KALRN: variants seen among roughly 807,000 people sequenced by gnomAD.
KALRN encodes kalirin RhoGEF kinase, also known as kalirin.
In KALRN, 70 loss-of-function variants were observed where a neutral mutation model predicts 353.7. That is an observed-to-expected ratio of 0.20 (90% CI 0.16 to 0.24). KALRN has a LOEUF of 0.24. Ranked by LOEUF, KALRN falls within the 10% of genes least tolerant of loss-of-function variation. The pLI, the probability that KALRN is intolerant of heterozygous loss-of-function variation, is 1.00. For missense variants in KALRN, 2,791 were observed against 3,756.7 expected (o/e 0.74, Z 6.72); for synonymous variants, 1,391 against 1,434.8 (o/e 0.97, Z 0.69).
chr3:124,497,569 G>A (rs953364491), intron 33 of KALRN, among the ~76,000 whole-genome samples: 3 of 152,144 alleles, frequency 2.0e-5, no homozygotes, highest in African/African-American at 7.2e-5. Flanking sequence ...GTCATTCAAG[G>A]TAATTCTGAC....
intron 1 of KALRN, among the ~76,000 whole-genome samples, chr3:124,034,418 C>T (rs1418530151): frequency 6.6e-6 from 1 of 152,092 alleles, no homozygotes; most frequent in Admixed American, 6.5e-5. Flanking sequence ...GCGCCTCGGA[C>T]CTCCCCCTTG....
intron 1 of KALRN, among the ~76,000 whole-genome samples, chr3:124,084,824 C>T (rs1316967797): frequency 1.3e-5 from 2 of 152,178 alleles, no homozygotes; most frequent in Admixed American, 6.5e-5. Context: ...ATAAGGAACT[C>T]CATTAGACAT....
chr3:124,085,699 T>G (rs1315494315), intron 1 of KALRN, among the ~76,000 whole-genome samples: 1 of 152,226 alleles, frequency 6.6e-6, no homozygotes. Context: ...ACTACTTTAG[T>G]AGCAGCTTCA....
At chr3:124,256,953 C>T (rs2072097539) in intron 3 of KALRN, among the ~76,000 whole-genome samples, 1 of 152,186 alleles carries the variant, frequency 6.6e-6, no homozygotes. Context: ...TAGGGAAATC[C>T]TCATTAGGCC....
Position 124,334,184 on chromosome 3 carries a change from C to T in KALRN, c.1417-81C>T. 3 of 1,227,830 alleles carry T rather than the reference C, an allele frequency of 2.4e-6. No homozygotes were observed. The highest frequency in any genetic ancestry group is 3.6e-6 in the Non-Finnish European group (3 of 839,484). The allele number at this position is 1,227,830 out of a possible 1,614,324, so 76.1% of individuals were successfully genotyped here. On this transcript the variant is annotated intron_variant, in intron 8 of 59. Coordinates refer to ENST00000682506, the MANE Select transcript of KALRN (RefSeq NM_001388419.1). The surrounding 1 kb of genome is among the most constrained non-coding windows in gnomAD (Gnocchi z 4.2). ...TTCTCAGAAGGCCTAGTCAGGGACC[C>T]TCAGGCAGACACTTCCTGCTTCTCT...
At chr3:124,247,003 G>A (rs2070378071) in intron 3 of KALRN, among the ~76,000 whole-genome samples, 1 of 152,118 alleles carries the variant, frequency 6.6e-6, no homozygotes, top group Non-Finnish European at 1.5e-5. Flanking sequence ...TTTTCACTGT[G>A]TTTTCTATTT....
chr3:124,343,752 A>C (rs72978413), intron 9 of KALRN, among the ~76,000 whole-genome samples: 1 of 152,192 alleles, frequency 6.6e-6, no homozygotes, highest in African/African-American at 2.4e-5. Context: ...GGCTGTTGAC[A>C]CTTTTCACCT....
At chr3:124,160,349 T>C (rs2069720048) in intron 1 of KALRN, among the ~76,000 whole-genome samples, 1 of 151,998 alleles carries the variant, frequency 6.6e-6, no homozygotes, top group African/African-American at 2.4e-5. Flanking sequence ...AGATGGGATC[T>C]CTTGAATGTT....
intron 38 of KALRN, 84 bp from the exon 39 acceptor site, chr3:124,655,517 A>C: frequency 1.8e-6 from 2 of 1,091,300 alleles, no homozygotes; most frequent in Non-Finnish European, 2.8e-6. Flanking sequence ...TAAAGGTGCC[A>C]AAGTAACTTT....
intron 34 of KALRN, among the ~76,000 whole-genome samples, chr3:124,602,869 C>T (rs1288507185): frequency 1.3e-5 from 2 of 152,102 alleles, no homozygotes; most frequent in Non-Finnish European, 2.9e-5. Flanking sequence ...CCCAAGAGTA[C>T]TTAGTTTGTG....
At chr3:124,301,470 T>G (rs1240549293) in intron 6 of KALRN, among the ~76,000 whole-genome samples, 1 of 152,164 alleles carries the variant, frequency 6.6e-6, no homozygotes, top group Admixed American at 6.5e-5. Context: ...TTGGCCTGAT[T>G]AGGCTGGATC....
In KALRN at chr3:124,474,774, G is replaced by A. The variant is rs1487816810; in HGVS notation, c.4101+42G>A. On this transcript the variant is annotated intron_variant, in intron 26 of 59. Coordinates refer to ENST00000682506, the MANE Select transcript of KALRN (RefSeq NM_001388419.1). ...CCTTCTCCCACTGCCCATACACATG[G>A]CACCACTCTTCAGTGCCTGACCTAA... 4.0e-6 allele frequency: 6 copies of A among 1,483,632 alleles called. No individual in the cohort carries two copies. In the African/African-American group the frequency reaches 5.5e-5, roughly 14 times the overall value. The allele number at this position is 1,483,632 out of a possible 1,614,324, so 91.9% of individuals were successfully genotyped here. A position where few individuals can be genotyped will look rare whatever the true frequency, so the allele number is the denominator to read the frequency against.
intron 1 of KALRN, among the ~76,000 whole-genome samples, chr3:124,071,993 G>A (rs1225247606): frequency 1.3e-5 from 2 of 152,168 alleles, no homozygotes; most frequent in African/African-American, 4.8e-5. Flanking sequence ...CCTCTTGAAG[G>A]TCTCTTCTAG....
chr3:124,420,821 T>G (rs547844978), intron 14 of KALRN, among the ~76,000 whole-genome samples: 1 of 152,362 alleles, frequency 6.6e-6, no homozygotes, highest in South Asian at 2.1e-4. Context: ...ACTTTCCTTA[T>G]ACTTCCCCAA....
intron 12 of KALRN, among the ~76,000 whole-genome samples, chr3:124,396,272 A>C (rs1200137974): frequency 6.6e-6 from 1 of 152,230 alleles, no homozygotes; most frequent in South Asian, 2.1e-4. Flanking sequence ...TTTCACCCAT[A>C]CCAGTTGTCC....
At chr3:124,050,501 T>C (rs1450010982) in intron 1 of KALRN, among the ~76,000 whole-genome samples, 2 of 152,200 alleles carry the variant, frequency 1.3e-5, no homozygotes, top group Non-Finnish European at 2.9e-5. Flanking sequence ...CTAGAGGCCT[T>C]CAACACCTCA....
chr3:124,411,225 A>G (rs1477031989), intron 13 of KALRN, among the ~76,000 whole-genome samples: 1 of 152,114 alleles, frequency 6.6e-6, no homozygotes, highest in South Asian at 2.1e-4. Flanking sequence ...GGAAGGGGGC[A>G]CAAGCAGGTT....
At chr3:124,067,124 G>A (rs1176879706) in intron 1 of KALRN, among the ~76,000 whole-genome samples, 1 of 152,162 alleles carries the variant, frequency 6.6e-6, no homozygotes. Context: ...CAGTTCCCAG[G>A]AGGCAAAGTG....
intron 3 of KALRN, among the ~76,000 whole-genome samples, chr3:124,245,990 T>C (rs2081080816): frequency 6.6e-6 from 1 of 152,152 alleles, no homozygotes; most frequent in African/African-American, 2.4e-5. Context: ...TTATTTCACT[T>C]AACATAATGT....
Sources: gnomAD v4.1 joint callset for allele counts (sites outside exome capture counted in the v4.1 genomes callset) on GRCh38, gnomAD v4.1.1 for gene constraint, Gnocchi (gnomAD v3.1) non-coding constraint, MANE v1.5 for transcripts, NCBI Gene and HGNC (gene_info 2026-07-23, HGNC 2026-07-21) for gene names.